RAD51B: variants seen among roughly 807,000 people sequenced by gnomAD.
RAD51B encodes DNA repair protein RAD51 homolog 2.
RAD51B carries 38 observed loss-of-function variants against 42.2 expected under a neutral mutation model. The ratio of observed to expected loss-of-function variants is 0.90; its 90% CI spans 0.70 to 1.18. RAD51B has a LOEUF of 1.18. Ranked by LOEUF, RAD51B falls within the 50% of genes most tolerant of loss-of-function variation. The probability of loss-of-function intolerance (pLI) is 0.00; values close to 1 mark genes in which losing one functional copy is unlikely to be tolerated. For synonymous variants in RAD51B, 154 were observed against 145.2 expected (o/e 1.06, Z -0.43); for missense variants, 373 against 400.7 (o/e 0.93, Z 0.59).
intron 7 of RAD51B, among the ~76,000 whole-genome samples, chr14:68,102,250 T>C (rs906969126): frequency 4.6e-5 from 7 of 152,194 alleles, no homozygotes; most frequent in African/African-American, 1.7e-4. Context: ...AGACATTTTC[T>C]CCATTGTCTT....
At chr14:68,407,807 T>C (rs2084316224) in intron 8 of RAD51B, among the ~76,000 whole-genome samples, 1 of 151,762 alleles carries the variant, frequency 6.6e-6, no homozygotes, top group South Asian at 2.1e-4. Context: ...GGGAGGGACA[T>C]GGGAAATAAG....
chr14:68,579,982 G>A (rs370967360), intron 10 of RAD51B, among the ~76,000 whole-genome samples: 2 of 152,198 alleles, frequency 1.3e-5, no homozygotes, highest in African/African-American at 2.4e-5. Context: ...GGCGGTGCCC[G>A]CAAGTGGAGG....
chr14:68,518,227 C>G (rs772334357), intron 10 of RAD51B, among the ~76,000 whole-genome samples: 1 of 152,148 alleles, frequency 6.6e-6, no homozygotes, highest in African/African-American at 2.4e-5. Flanking sequence ...CACAACAGGG[C>G]GGGAACATGG....
intron 7 of RAD51B, among the ~76,000 whole-genome samples, chr14:68,045,243 A>AG (rs1476489191): frequency 6.7e-6 from 1 of 148,852 alleles, no homozygotes; most frequent in Non-Finnish European, 1.5e-5. Context: ...TCTCAAAAAA[A>AG]AAAAAAAAAA....
chr14:67,974,907 T>C (rs17104829), intron 7 of RAD51B, among the ~76,000 whole-genome samples: 9,096 of 152,264 alleles, frequency 0.06, 636 homozygotes, highest in African/African-American at 0.17. Context: ...TCCTCTTTTA[T>C]ATGTGATACT....
chr14:68,322,027 G>C (rs2082166167), intron 8 of RAD51B, among the ~76,000 whole-genome samples: 1 of 152,136 alleles, frequency 6.6e-6, no homozygotes, highest in Non-Finnish European at 1.5e-5. Context: ...ACCTGCCTCA[G>C]CCTCCAAAAG....
At chr14:68,334,918 GATAT>G (rs1025309027) in intron 8 of RAD51B, among the ~76,000 whole-genome samples, 1 of 124,996 alleles carries the variant, frequency 8.0e-6, no homozygotes, top group African/African-American at 2.9e-5. Context: ...TATATTTTAT[GATAT>G]ATATACACAC....
chr14:68,105,771 A>T (rs896215328), intron 7 of RAD51B, among the ~76,000 whole-genome samples: 1 of 151,926 alleles, frequency 6.6e-6, no homozygotes, highest in African/African-American at 2.4e-5. Flanking sequence ...TTCTTCAATG[A>T]AAGCAACCAC....
chr14:68,354,468 C>G (rs1220046686), intron 8 of RAD51B, among the ~76,000 whole-genome samples: 11 of 152,222 alleles, frequency 7.2e-5, no homozygotes, highest in African/African-American at 2.6e-4. Flanking sequence ...CCACCTCAGC[C>G]TCCCAAAGTG....
intron 7 of RAD51B, among the ~76,000 whole-genome samples, chr14:67,932,163 G>A (rs1295765016): frequency 2.0e-5 from 3 of 152,050 alleles, no homozygotes; most frequent in Non-Finnish European, 4.4e-5. Context: ...AGCATCTGTT[G>A]TTCCCATCTT....
intron 7 of RAD51B, among the ~76,000 whole-genome samples, chr14:68,072,025 G>A (rs1190313034): frequency 2.6e-5 from 3 of 114,808 alleles, no homozygotes; most frequent in Non-Finnish European, 5.1e-5. Flanking sequence ...TTTCTTCTAG[G>A]TTTTCTAGAT....
intron 1 of RAD51B, among the ~76,000 whole-genome samples, chr14:67,821,780 CCTT>C (rs1207712625): frequency 7.2e-5 from 11 of 152,012 alleles, no homozygotes; most frequent in South Asian, 6.2e-4. Context: ...TTTTCTTTCT[CCTT>C]CTTTTTTTTT....
At chr14:67,949,326 C>T (rs186234799) in intron 7 of RAD51B, among the ~76,000 whole-genome samples, 3 of 152,166 alleles carry the variant, frequency 2.0e-5, no homozygotes, top group African/African-American at 7.2e-5. Context: ...ATTCTAAATC[C>T]TTTGTTGTCA....
intron 9 of RAD51B, among the ~76,000 whole-genome samples, chr14:68,434,288 A>G (rs951848087): frequency 1.3e-5 from 2 of 152,162 alleles, no homozygotes; most frequent in Non-Finnish European, 1.5e-5. Context: ...AGGGACATTT[A>G]AGTCTGCAGA....
At chr14:68,601,719 TG>T (rs1891226810) in intron 10 of RAD51B, among the ~76,000 whole-genome samples, 1 of 152,154 alleles carries the variant, frequency 6.6e-6, no homozygotes, top group African/African-American at 2.4e-5. Flanking sequence ...GGCCCACAAA[TG>T]CTGCCCTCCA....
chr14:68,682,389 G>A (rs1285863845), intron 11 of RAD51B, among the ~76,000 whole-genome samples: 1 of 152,160 alleles, frequency 6.6e-6, no homozygotes, highest in South Asian at 2.1e-4. Flanking sequence ...CACCAAGCTC[G>A]AGAGAGTCTC....
intron 9 of RAD51B, among the ~76,000 whole-genome samples, chr14:68,418,969 T>C (rs2084628802): frequency 1.3e-5 from 2 of 152,182 alleles, no homozygotes; most frequent in African/African-American, 2.4e-5. Context: ...AGTCTAGAGA[T>C]CATCTTCTCC....
At chr14:68,430,767 G>A (rs2084982071) in intron 9 of RAD51B, among the ~76,000 whole-genome samples, 1 of 151,926 alleles carries the variant, frequency 6.6e-6, no homozygotes, top group Non-Finnish European at 1.5e-5. Context: ...GATTGCCCTG[G>A]CCAGAACTTC....
chr14:67,846,312 C>G (rs553146814), intron 4 of RAD51B, among the ~76,000 whole-genome samples: 2 of 152,030 alleles, frequency 1.3e-5, no homozygotes, highest in East Asian at 3.9e-4. Flanking sequence ...TGGGGGGTGG[C>G]GTGTGGGTTG....
Sources: gnomAD v4.1 joint callset for allele counts (sites outside exome capture counted in the v4.1 genomes callset) on GRCh38, gnomAD v4.1.1 for gene constraint, MANE v1.5 for transcripts, NCBI Gene and HGNC (gene_info 2026-07-23, HGNC 2026-07-21) for gene names.